Variants in NAXD observed in about 807,000 individuals in gnomAD.
The protein encoded by NAXD is NAD(P)HX dehydratase.
In NAXD, 22 loss-of-function variants were observed where a neutral mutation model predicts 35.8. The ratio of observed to expected loss-of-function variants is 0.62; its 90% CI spans 0.44 to 0.88. NAXD has a LOEUF of 0.88. NAXD is among the 40% of genes least tolerant of loss of function. The pLI, the probability that NAXD is intolerant of heterozygous loss-of-function variation, is 0.00. For missense variants in NAXD, 428 were observed against 437.7 expected (o/e 0.98, Z 0.20); for synonymous variants, 189 against 177.6 (o/e 1.06, Z -0.51).
Position 110,638,962 on chromosome 13 carries a change from G to T in NAXD, c.*434G>T. The T allele has an allele frequency of 8.4e-6, 3 of 355,734 alleles. No individual in the cohort carries two copies. In the East Asian group the frequency reaches 2.2e-4, roughly 26 times the overall value. 22.0% of individuals were successfully genotyped at this position (355,734 alleles called of 1,614,324 possible). A position where few individuals can be genotyped will look rare whatever the true frequency, so the allele number is the denominator to read the frequency against. Reference sequence around the variant, plus strand: ...TTTCCTCCGGCAGGGAGCTGGGCAGGGGTCCCCGGGTGTCTCCCTGAGTCC... The same window carrying T: ...TTTCCTCCGGCAGGGAGCTGGGCAGTGGTCCCCGGGTGTCTCCCTGAGTCC... On this transcript the variant is annotated 3_prime_UTR_variant, in exon 10 of 10. Coordinates refer to ENST00000680254, the MANE Select transcript of NAXD (RefSeq NM_001242882.2). This position sits in a 1 kb window ranked among gnomAD's most constrained non-coding sequence, Gnocchi z 5.4.
chr13:110,617,900 G>C (rs1435361272), intron 1 of NAXD, among the ~76,000 whole-genome samples: 1 of 152,216 alleles, frequency 6.6e-6, no homozygotes, highest in Non-Finnish European at 1.5e-5. Context: ...CAAGTGTCTT[G>C]TTCTGTGCCA....
intron 5 of NAXD, among the ~76,000 whole-genome samples, chr13:110,634,211 A>G (rs1387113025): frequency 6.6e-6 from 1 of 152,104 alleles, no homozygotes; most frequent in East Asian, 1.9e-4. Context: ...CACTCTTGGG[A>G]AAAGTGTCTT....
intron 8 of NAXD, among the ~76,000 whole-genome samples, chr13:110,636,798 G>A (rs1260634761): frequency 6.6e-6 from 1 of 152,240 alleles, no homozygotes; most frequent in Non-Finnish European, 1.5e-5. Context: ...AGGAGCTGGA[G>A]GCTGGCGCCG....
At chr13:110,633,720 C>T (rs1341215666) in intron 5 of NAXD, among the ~76,000 whole-genome samples, 2 of 151,756 alleles carry the variant, frequency 1.3e-5, no homozygotes. Flanking sequence ...ATAAAAACCA[C>T]CAAATATTAC....
rs191322 is a variant in NAXD, at chr13:110,638,017, C to A, written c.840-361C>A. Among the ~76,000 whole-genome samples, 28,835 of 152,136 alleles carry A rather than the reference C, an allele frequency of 0.19. 3,013 individuals are homozygous for A. The highest frequency in any genetic ancestry group is 0.28 in the African/African-American group (11,632 of 41,488). ...GATGGAGCCCTGGTAGCAGGAATCCCCATTCTCAGACCTCAGATGCCCTCT... is the reference window on the plus strand; with the variant it reads ...GATGGAGCCCTGGTAGCAGGAATCCACATTCTCAGACCTCAGATGCCCTCT... On this transcript the variant is annotated intron_variant, in intron 9 of 9. Coordinates refer to ENST00000680254, the MANE Select transcript of NAXD (RefSeq NM_001242882.2). The surrounding 1 kb of genome is among the most constrained non-coding windows in gnomAD (Gnocchi z 5.4).
At chr13:110,622,168 A>C in intron 1 of NAXD, 48 bp from the exon 2 acceptor site, 1 of 1,539,312 alleles carries the variant, frequency 6.5e-7, no homozygotes, top group Non-Finnish European at 8.8e-7. Flanking sequence ...ATGTGTACTA[A>C]CAATATCTGT....
Position 110,634,701 on chromosome 13 carries a change from G to A in NAXD, c.522G>A (p.Pro174=), listed in dbSNP as rs142489769. 1.2e-4 allele frequency: 197 copies of A among 1,614,004 alleles called. No individual in the cohort carries two copies. Among genetic ancestry groups the A allele is most frequent in the Non-Finnish European group, 1.2e-4 (136 of 1,180,038 alleles). The part of the protein sequence containing the change: ...ADGLWLVAQQ[P]ALIHGYRKAV... ...GCCTGTGGCTGGTCGCTCAGCAGCCGGCCCTCATCCATGGCTACCGGAAGG... is the reference window on the plus strand; with the variant it reads ...GCCTGTGGCTGGTCGCTCAGCAGCCAGCCCTCATCCATGGCTACCGGAAGG... Residue 174 remains proline, a synonymous_variant, in exon 7 of 10, where the codon CCG becomes CCA. Transcript: ENST00000680254.
chr13:110,633,024 C>T (rs976798821), intron 5 of NAXD, among the ~76,000 whole-genome samples: 5 of 152,196 alleles, frequency 3.3e-5, no homozygotes, highest in Admixed American at 1.3e-4. Flanking sequence ...CTGCGCCGTG[C>T]GTTCGCATTC....
At chr13:110,636,055 G>T (rs1383913573) in intron 8 of NAXD, among the ~76,000 whole-genome samples, 1 of 152,242 alleles carries the variant, frequency 6.6e-6, no homozygotes, top group Non-Finnish European at 1.5e-5. Flanking sequence ...GGAATCTCAG[G>T]CACTGAGTGT....
chr13:110,629,686 T>G (rs1886633517), intron 5 of NAXD, among the ~76,000 whole-genome samples: 1 of 152,276 alleles, frequency 6.6e-6, no homozygotes, highest in Non-Finnish European at 1.5e-5. Context: ...ACTGTATGCA[T>G]ACACCACCTT....
intron 2 of NAXD, among the ~76,000 whole-genome samples, chr13:110,623,975 C>G (rs11840542): frequency 0.051 from 7,632 of 149,182 alleles, 443 homozygotes; most frequent in African/African-American, 0.15. Context: ...GCACTCCAGC[C>G]TGGGCAACAA....
chr13:110,630,928 C>T (rs1267715037), intron 5 of NAXD, among the ~76,000 whole-genome samples: 1 of 152,186 alleles, frequency 6.6e-6, no homozygotes, highest in Non-Finnish European at 1.5e-5. Context: ...GCCTTGACGT[C>T]GAAAGCCCGA....
intron 5 of NAXD, among the ~76,000 whole-genome samples, chr13:110,633,191 G>A (rs1886784420): frequency 6.6e-6 from 1 of 152,218 alleles, no homozygotes; most frequent in Non-Finnish European, 1.5e-5. Flanking sequence ...AGGCAGCTAA[G>A]GCCCGGTGAG....
At chr13:110,619,614 T>C (rs1886185502) in intron 1 of NAXD, among the ~76,000 whole-genome samples, 1 of 152,180 alleles carries the variant, frequency 6.6e-6, no homozygotes. Flanking sequence ...CTACTAGTGG[T>C]TCTTAACCCA....
In NAXD at chr13:110,639,955, A is replaced by G. The variant is rs771127403; in HGVS notation, c.*1427A>G. 3.9e-5 allele frequency: 6 copies of G among 152,252 alleles called. No individual in the cohort carries two copies. The highest frequency in any genetic ancestry group is 8.8e-5 in the Non-Finnish European group (6 of 68,050). The allele number at this position is 152,252 out of a possible 1,614,324, so 9.4% of individuals were successfully genotyped here. A position where few individuals can be genotyped will look rare whatever the true frequency, so the allele number is the denominator to read the frequency against. ...TTTTTCCTCTGGGGAATTAACATCT[A>G]AATTCTGGTAACTATTAAAAGACAG... On this transcript the variant is annotated 3_prime_UTR_variant, in exon 10 of 10. Transcript: ENST00000680254.
chr13:110,615,869 G>C (rs940656067), intron 1 of NAXD: 2 of 1,088,190 alleles, frequency 1.8e-6, no homozygotes, highest in Non-Finnish European at 1.2e-6. Context: ...GTGGCCTGCG[G>C]GGCGGAGTAG....
In NAXD at chr13:110,634,710, C is replaced by A; in HGVS notation, c.531C>A (p.Ile177=). The A allele has an allele frequency of 6.2e-7, 1 of 1,614,172 alleles. No homozygotes were observed. Among genetic ancestry groups the A allele is most frequent in the South Asian group, 1.1e-5 (1 of 91,086 alleles). ...LWLVAQQPAL[I]HGYRKAVLTP... Reference sequence around the variant, plus strand: ...TGGTCGCTCAGCAGCCGGCCCTCATCCATGGCTACCGGAAGGCTGTGCTCA... The same window carrying A: ...TGGTCGCTCAGCAGCCGGCCCTCATACATGGCTACCGGAAGGCTGTGCTCA... The change falls in exon 7 of 10, where the codon ATC becomes ATA. Residue 177 remains isoleucine, a synonymous_variant. Coordinates refer to ENST00000680254, the MANE Select transcript of NAXD (RefSeq NM_001242882.2).
chr13:110,637,120 C>T lies in NAXD; in HGVS notation c.719-9C>T. 2 of 1,610,444 alleles carry T rather than the reference C, an allele frequency of 1.2e-6. No individual in the cohort carries two copies. Among genetic ancestry groups the T allele is most frequent in the East Asian group, 2.2e-5 (1 of 44,828 alleles). ...TGCTGACACCTGCTCTCACTTCTGC[C>T]CTGTGCAGTGCTTGTGTGCAGCCAG... On this transcript the variant is annotated splice_polypyrimidine_tract_variant and intron_variant, in intron 8 of 9. Coordinates refer to ENST00000680254, the MANE Select transcript of NAXD (RefSeq NM_001242882.2).
chr13:110,617,406 G>T (rs182859479), intron 1 of NAXD, among the ~76,000 whole-genome samples: 19 of 152,244 alleles, frequency 1.2e-4, no homozygotes, highest in Non-Finnish European at 1.0e-4. Context: ...CTATTGTCAA[G>T]GCCTTTTTAT....
Sources: allele counts gnomAD v4.1 joint callset (sites outside exome capture counted in the v4.1 genomes callset), GRCh38; gene constraint gnomAD v4.1.1; non-coding constraint Gnocchi (gnomAD v3.1); transcripts MANE v1.5; gene names NCBI Gene and HGNC (gene_info 2026-07-23, HGNC 2026-07-21).